CTNNAL1: variants seen among roughly 807,000 people sequenced by gnomAD.
CTNNAL1 encodes catenin alpha like 1.
In CTNNAL1, 69 loss-of-function variants were observed where a neutral mutation model predicts 93.6. The ratio of observed to expected loss-of-function variants is 0.74; its 90% CI spans 0.61 to 0.90. The LOEUF is 0.90. Among genes scored for constraint, CTNNAL1 ranks in the 40% least tolerant of loss-of-function variants. The probability of loss-of-function intolerance (pLI) is 0.00; values close to 1 mark genes in which losing one functional copy is unlikely to be tolerated. For missense variants in CTNNAL1, 836 were observed against 862.0 expected (o/e 0.97, Z 0.38); for synonymous variants, 286 against 305.4 (o/e 0.94, Z 0.66).
intron 10 of CTNNAL1, among the ~76,000 whole-genome samples, chr9:108,969,580 G>C (rs528968776): frequency 1.3e-3 from 195 of 152,018 alleles, no homozygotes; most frequent in African/African-American, 4.5e-3. Context: ...GCTAATTCTG[G>C]TTATCATAAT....
intron 1 of CTNNAL1, among the ~76,000 whole-genome samples, chr9:109,010,373 C>G (rs751524468): frequency 7.9e-5 from 12 of 152,032 alleles, no homozygotes; most frequent in Non-Finnish European, 1.8e-4. Flanking sequence ...ATATTTATTC[C>G]TTTTATTTCT....
intron 1 of CTNNAL1, among the ~76,000 whole-genome samples, chr9:108,999,720 C>G (rs1826722720): frequency 6.6e-6 from 1 of 152,186 alleles, no homozygotes; most frequent in Non-Finnish European, 1.5e-5. Flanking sequence ...TTGTGCCATA[C>G]ATGTTTACCA....
intron 15 of CTNNAL1, among the ~76,000 whole-genome samples, chr9:108,946,433 C>T (rs1363497890): frequency 2.0e-5 from 3 of 152,148 alleles, no homozygotes; most frequent in Non-Finnish European, 2.9e-5. Context: ...CCCTGCACCT[C>T]GGGGCTTTGC....
At chr9:108,996,793 T>C (rs1832037793) in intron 2 of CTNNAL1, among the ~76,000 whole-genome samples, 2 of 152,200 alleles carry the variant, frequency 1.3e-5, no homozygotes. Context: ...CATTTTCTGT[T>C]GAATTGTCCA....
intron 1 of CTNNAL1, among the ~76,000 whole-genome samples, chr9:109,006,275 GTA>G (rs1316628905): frequency 6.6e-6 from 1 of 152,122 alleles, no homozygotes; most frequent in African/African-American, 2.4e-5. Flanking sequence ...AAGCACAACA[GTA>G]CCAGGCACTA....
intron 8 of CTNNAL1, among the ~76,000 whole-genome samples, chr9:108,974,997 T>A (rs1402487321): frequency 1.3e-5 from 2 of 151,870 alleles, no homozygotes; most frequent in African/African-American, 4.8e-5. Flanking sequence ...ACCCCATCTC[T>A]ACTAAAAATA....
chr9:108,987,778 C>G (rs1168808772), intron 4 of CTNNAL1, among the ~76,000 whole-genome samples: 1 of 152,130 alleles, frequency 6.6e-6, no homozygotes, highest in African/African-American at 2.4e-5. Flanking sequence ...GTATTTTATT[C>G]TCTTTGAAGC....
chr9:108,972,752 T>C lies in CTNNAL1; in HGVS notation c.1270A>G (p.Thr424Ala), dbSNP rs1394147240. The C allele has an allele frequency of 6.2e-7, 1 of 1,613,084 alleles. No individual in the cohort carries two copies. Among genetic ancestry groups the C allele is most frequent in the African/African-American group, 1.3e-5 (1 of 74,576 alleles). Residue 424 changes from threonine to alanine, a missense_variant, in exon 9 of 19, where the codon ACT (threonine) becomes GCT (alanine). Physicochemically the swap from Thr to Ala is moderately conservative, Grantham distance 58. Coordinates refer to ENST00000325551, the MANE Select transcript of CTNNAL1 (RefSeq NM_003798.4). ...DHVVLKALKLTGVEGNLEALA... is the reference protein window; with the variant it reads ...DHVVLKALKLAGVEGNLEALA... Reference sequence around the variant, plus strand: ...GCTTCTAAATTTCCTTCTACTCCAGTAAGTTTTAATGCTTTTAGAACCACA... The same window carrying C: ...GCTTCTAAATTTCCTTCTACTCCAGCAAGTTTTAATGCTTTTAGAACCACA...
At chr9:109,011,743 C>T (rs1362055913) in intron 1 of CTNNAL1, among the ~76,000 whole-genome samples, 3 of 152,200 alleles carry the variant, frequency 2.0e-5, no homozygotes, top group Non-Finnish European at 4.4e-5. Flanking sequence ...ATTATTTAAC[C>T]TCAGTATTCC....
In CTNNAL1 at chr9:108,972,711, G is replaced by A; in HGVS notation, c.1311C>T (p.Ala437=). 1 of 1,613,922 alleles carries A rather than the reference G, an allele frequency of 6.2e-7. No individual in the cohort carries two copies. Among genetic ancestry groups the A allele is most frequent in the Non-Finnish European group, 8.5e-7 (1 of 1,179,958 alleles). ...GCTCTTTCTGTTCAGAGAGTTTACA[G>A]GCATATTCAGCCAAAGCTTCTAAAT... The part of the protein sequence containing the change: ...EGNLEALAEY[A]CKLSEQKEQL... Residue 437 remains alanine, a synonymous_variant, in exon 9 of 19, where the codon GCC becomes GCT. Transcript: ENST00000325551.
At chr9:109,005,398 CA>C (rs1309312575) in intron 1 of CTNNAL1, among the ~76,000 whole-genome samples, 1 of 152,070 alleles carries the variant, frequency 6.6e-6, no homozygotes, top group Admixed American at 6.5e-5. Flanking sequence ...TCCCCCTCCA[CA>C]AATCCTTATG....
chr9:108,954,848 A>T (rs1830652210), intron 12 of CTNNAL1, among the ~76,000 whole-genome samples: 1 of 152,236 alleles, frequency 6.6e-6, no homozygotes. Context: ...TCCCACTATC[A>T]TTTCTAAAAT....
At chr9:108,950,051 G>A (rs1430009481) in intron 14 of CTNNAL1, among the ~76,000 whole-genome samples, 3 of 148,982 alleles carry the variant, frequency 2.0e-5, no homozygotes, top group Non-Finnish European at 4.4e-5. Context: ...AACCAGGCAA[G>A]TCTATTGATG....
chr9:108,951,460 C>T (rs1830564283), intron 14 of CTNNAL1, among the ~76,000 whole-genome samples: 1 of 152,102 alleles, frequency 6.6e-6, no homozygotes, highest in Non-Finnish European at 1.5e-5. Flanking sequence ...ATGAGTAGGA[C>T]AGGAGCCAGA....
At chr9:108,994,188 G>A (rs1321870845) in intron 2 of CTNNAL1, among the ~76,000 whole-genome samples, 2 of 151,698 alleles carry the variant, frequency 1.3e-5, no homozygotes, top group South Asian at 2.1e-4. Flanking sequence ...CTGAGATGGC[G>A]CCACTGCACT....
At position 108,984,450 on chromosome 9, in the gene CTNNAL1, A is replaced by G; in HGVS notation, c.640-14T>C. ...ATCTTTCAAATCCTAAATATGAAAT[A>G]AAATCACGGAGGAGTCTAAGACCAT... On this transcript the variant is annotated splice_polypyrimidine_tract_variant and intron_variant, in intron 4 of 18. Transcript: ENST00000325551. 4 of 1,507,624 alleles carry G rather than the reference A, an allele frequency of 2.7e-6. No homozygotes were observed. The highest frequency in any genetic ancestry group is 3.7e-6 in the Non-Finnish European group (4 of 1,083,792). 93.4% of individuals were successfully genotyped at this position (1,507,624 alleles called of 1,614,324 possible).
At position 108,952,550 on chromosome 9, in the gene CTNNAL1, G is replaced by A. The variant is rs575064364; in HGVS notation, c.1630-56C>T. On this transcript the variant is annotated intron_variant, in intron 12 of 18. Coordinates refer to ENST00000325551, the MANE Select transcript of CTNNAL1 (RefSeq NM_003798.4). ...AAAAAGCAGTACATTAAACTGTAAG[G>A]AAATACAATAGTAATACAAAGCATA... 8.8e-6 allele frequency: 14 copies of A among 1,596,910 alleles called. No homozygotes were observed. The African/African-American group carries it at 1.7e-4, about 20-fold the overall frequency.
chr9:108,967,493 T>C (rs574318234), intron 10 of CTNNAL1, among the ~76,000 whole-genome samples: 10 of 152,280 alleles, frequency 6.6e-5, no homozygotes, highest in African/African-American at 2.2e-4. Context: ...ATGAAACAGA[T>C]AAATGTCCCT....
chr9:108,972,032 A>G (rs947504502), intron 9 of CTNNAL1, among the ~76,000 whole-genome samples: 3 of 152,176 alleles, frequency 2.0e-5, no homozygotes, highest in South Asian at 2.1e-4. Flanking sequence ...GGGATATCCA[A>G]TGGGAAGCCC....
Sources: gnomAD v4.1 joint callset for allele counts (sites outside exome capture counted in the v4.1 genomes callset) on GRCh38, gnomAD v4.1.1 for gene constraint, MANE v1.5 for transcripts, NCBI Gene and HGNC (gene_info 2026-07-23, HGNC 2026-07-21) for gene names.